The following NPFFR1 variants were observed in gnomAD, a reference collection of about 807,000 sequenced individuals.
NPFFR1 encodes the protein neuropeptide FF receptor 1, also known as G-protein coupled receptor 147.
In NPFFR1, 17 loss-of-function variants were observed where a neutral mutation model predicts 12.7. The ratio of observed to expected loss-of-function variants is 1.34; its 90% CI spans 0.92 to 2.01. NPFFR1 has a LOEUF of 2.01. Among genes scored for constraint, NPFFR1 ranks in the 30% most tolerant of loss-of-function variants. NPFFR1 has a pLI of 0.00. For synonymous variants in NPFFR1, 296 were observed against 264.5 expected, an observed-to-expected ratio of 1.12 and a Z score of -1.16; for missense variants, 604 against 606.5, an observed-to-expected ratio of 1.00 and a Z score of 0.04.
chr10:70,278,655 C>T (rs74139296), intron 1 of NPFFR1, among the ~76,000 whole-genome samples: 4,049 of 152,292 alleles, frequency 0.027, 168 homozygotes, highest in African/African-American at 0.091. Flanking sequence ...ATCCCTCCTA[C>T]GTCTCTCAAT....
Position 70,255,189 on chromosome 10 carries a change from C to G in NPFFR1, c.1061G>C (p.Gly354Ala). 6.5e-7 allele frequency: 1 copy of G among 1,549,876 alleles called. No individual in the cohort carries two copies. ...FRARLCPRPS[G>A]SHKEAYSERP... is the part of the protein sequence containing the mutation. ...CTCGGAGTAGGCCTCCTTGTGGCTCCCCGACGGGCGCGGGCAGAGGCGGGC... is the reference window on the plus strand; with the variant it reads ...CTCGGAGTAGGCCTCCTTGTGGCTCGCCGACGGGCGCGGGCAGAGGCGGGC... Residue 354 changes from glycine to alanine, a missense_variant, in exon 4 of 4, where the codon GGG becomes GCG. Physicochemically the swap from Gly to Ala is moderately conservative, Grantham distance 60. Coordinates refer to ENST00000277942, the MANE Select transcript of NPFFR1 (RefSeq NM_022146.5). The surrounding 1 kb of genome is among the most constrained non-coding windows in gnomAD (Gnocchi z 4.2).
Position 70,254,643 on chromosome 10 carries a change from C to T in NPFFR1, c.*314G>A, listed in dbSNP as rs1840542850. 1 of 310,226 alleles carries T rather than the reference C, an allele frequency of 3.2e-6. No individual in the cohort carries two copies. The highest frequency in any genetic ancestry group is 1.6e-4 in the South Asian group (1 of 6,406). The allele number at this position is 310,226 out of a possible 1,614,324, so 19.2% of individuals were successfully genotyped here. Reference sequence around the variant, plus strand: ...TGAGAAACTTGGGTGAGTCACATCTCTCCAGGCCTCAGTTTTTGCATCTGT... The same window carrying T: ...TGAGAAACTTGGGTGAGTCACATCTTTCCAGGCCTCAGTTTTTGCATCTGT... On this transcript the variant is annotated 3_prime_UTR_variant, in exon 4 of 4. Transcript: ENST00000277942.
intron 2 of NPFFR1, 100 bp downstream of exon 2, chr10:70,265,977 C>T: frequency 2.6e-6 from 3 of 1,167,994 alleles, no homozygotes; most frequent in Non-Finnish European, 3.7e-6. Context: ...GAGGCCAGCC[C>T]AGCAATGATA....
chr10:70,278,889 T>G (rs1194887712), intron 1 of NPFFR1, among the ~76,000 whole-genome samples: 1 of 152,230 alleles, frequency 6.6e-6, no homozygotes, highest in African/African-American at 2.4e-5. Flanking sequence ...ACCAGCCAGT[T>G]GTGTCTTATG....
Position 70,253,671 on chromosome 10 carries a change from A to T in NPFFR1, c.*1286T>A, listed in dbSNP as rs1009340773. 1 of 151,944 alleles carries T rather than the reference A, an allele frequency of 6.6e-6. No individual in the cohort carries two copies. The highest frequency in any genetic ancestry group is 2.4e-5 in the African/African-American group (1 of 41,334). The allele number at this position is 151,944 out of a possible 1,614,324, so 9.4% of individuals were successfully genotyped here. On this transcript the variant is annotated 3_prime_UTR_variant, in exon 4 of 4. Coordinates refer to ENST00000277942, the MANE Select transcript of NPFFR1 (RefSeq NM_022146.5). ...AAGGGAACAGAGCCTCAGAGCCCCG[A>T]CCCCTGGAAACGTTTCTTTTTTGTT...
chr10:70,283,564 G>C (rs1424672947), intron 1 of NPFFR1, 106 bp downstream of exon 1: 1 of 1,116,356 alleles, frequency 9.0e-7, no homozygotes, highest in Non-Finnish European at 1.3e-6. Flanking sequence ...TCTGGCTCTG[G>C]ACAGCCATGG....
chr10:70,258,945 T>C (rs1840604726), intron 3 of NPFFR1, among the ~76,000 whole-genome samples: 1 of 152,192 alleles, frequency 6.6e-6, no homozygotes, highest in Non-Finnish European at 1.5e-5. Flanking sequence ...ACAGCCTGAC[T>C]CAGGCCTTGT....
chr10:70,282,902 T>A (rs1447779195), intron 1 of NPFFR1, among the ~76,000 whole-genome samples: 2 of 152,070 alleles, frequency 1.3e-5, no homozygotes, highest in African/African-American at 4.8e-5. Flanking sequence ...ATCCTGAAGG[T>A]AAGGTCCATA....
intron 1 of NPFFR1, among the ~76,000 whole-genome samples, chr10:70,272,629 C>A (rs574688469): frequency 6.6e-6 from 1 of 152,180 alleles, no homozygotes; most frequent in Non-Finnish European, 1.5e-5. Flanking sequence ...TTGGATTGTT[C>A]GGTTAAACTT....
intron 1 of NPFFR1, among the ~76,000 whole-genome samples, chr10:70,274,240 G>A (rs1223652200): frequency 6.6e-6 from 1 of 152,118 alleles, no homozygotes; most frequent in Non-Finnish European, 1.5e-5. Context: ...ACAAGGTCAG[G>A]AGTTCGAGAC....
Position 70,272,244 on chromosome 10 carries a change from G to GAAAGAAAGAAAGAAAGAAAGAGA in NPFFR1, c.8-5854_8-5853insTCTCTTTCTTTCTTTCTTTCTTT, listed in dbSNP as rs60571634. Among the ~76,000 whole-genome samples, 77 of 64,462 alleles carry GAAAGAAAGAAAGAAAGAAAGAGA rather than the reference G, an allele frequency of 1.2e-3. 1 individual carries two copies. The highest frequency in any genetic ancestry group is 4.8e-3 in the African/African-American group (73 of 15,176). 42.3% of individuals were successfully genotyped at this position (64,462 alleles called of 152,430 possible). On this transcript the variant is annotated intron_variant, in intron 1 of 3. Transcript: ENST00000277942. ...AGAAAGAAAGAAAGAAAGAAAGAAA[G>GAAAGAAAGAAAGAAAGAAAGAGA]AAGAAAGAAGAAAGAAAATAATAGA...
At position 70,252,899 on chromosome 10, in the gene NPFFR1, A is replaced by T. The variant is rs566937562; in HGVS notation, c.*2058T>A. The T allele has an allele frequency of 2.6e-5, 4 of 152,140 alleles. No homozygotes were observed. Among genetic ancestry groups the T allele is most frequent in the Non-Finnish European group, 5.9e-5 (4 of 68,032 alleles). 9.4% of individuals were successfully genotyped at this position (152,140 alleles called of 1,614,324 possible). A position where few individuals can be genotyped will look rare whatever the true frequency, so the allele number is the denominator to read the frequency against. Reference sequence around the variant, plus strand: ...ATGCTAAAGGAGAAACACACCCCAGAGGAGACACCAGGTGGTGTCTTCAGA... The same window carrying T: ...ATGCTAAAGGAGAAACACACCCCAGTGGAGACACCAGGTGGTGTCTTCAGA... On this transcript the variant is annotated 3_prime_UTR_variant, in exon 4 of 4. Coordinates refer to ENST00000277942, the MANE Select transcript of NPFFR1 (RefSeq NM_022146.5).
At chr10:70,267,704 G>A (rs1840708476) in intron 1 of NPFFR1, among the ~76,000 whole-genome samples, 1 of 152,202 alleles carries the variant, frequency 6.6e-6, no homozygotes, top group Non-Finnish European at 1.5e-5. Flanking sequence ...CCTATTCCAG[G>A]GGATGAAGAG....
chr10:70,274,572 G>A (rs1485585094), intron 1 of NPFFR1, among the ~76,000 whole-genome samples: 1 of 152,136 alleles, frequency 6.6e-6, no homozygotes. Flanking sequence ...GTTAGTTTGG[G>A]GTGGCTGGGA....
Position 70,255,008 on chromosome 10 carries a change from T to C in NPFFR1, c.1242A>G (p.Glu414=), listed in dbSNP as rs769810912. The C allele has an allele frequency of 2.8e-6, 4 of 1,440,562 alleles. No homozygotes were observed. In the Middle Eastern group the frequency reaches 5.7e-4, roughly 205 times the overall value. 89.2% of individuals were successfully genotyped at this position (1,440,562 alleles called of 1,614,324 possible). A position where few individuals can be genotyped will look rare whatever the true frequency, so the allele number is the denominator to read the frequency against. ...GRVAHHGLPR[E]GPGCSHLPLT... ...GGGGCAGGTGGGAGCAGCCAGGCCC[T>C]TCCCTGGGCAAGCCGTGGTGAGCCA... is the stretch of plus-strand genomic sequence containing the variant. The change falls in exon 4 of 4, where the codon GAA becomes GAG. Residue 414 remains glutamate, a synonymous_variant. Transcript: ENST00000277942. This position sits in a 1 kb window ranked among gnomAD's most constrained non-coding sequence, Gnocchi z 4.2.
At chr10:70,263,175 G>GCAA (rs749955504) in intron 2 of NPFFR1, among the ~76,000 whole-genome samples, 24 of 151,840 alleles carry the variant, frequency 1.6e-4, no homozygotes, top group Non-Finnish European at 2.2e-4. Flanking sequence ...TTTTTAAAAA[G>GCAA]CAACAACAAC....
At chr10:70,274,796 C>A (rs1180338187) in intron 1 of NPFFR1, among the ~76,000 whole-genome samples, 1 of 152,224 alleles carries the variant, frequency 6.6e-6, no homozygotes, top group Admixed American at 6.5e-5. Flanking sequence ...TGCTTATTGA[C>A]TGCATTAGCT....
chr10:70,277,748 G>A (rs2136809975), intron 1 of NPFFR1, among the ~76,000 whole-genome samples: 1 of 152,304 alleles, frequency 6.6e-6, no homozygotes, highest in East Asian at 1.9e-4. Context: ...GCTGGGGTTG[G>A]GCTGGGGTGG....
Position 70,255,296 on chromosome 10 carries a change from G to T in NPFFR1, c.954C>A (p.Ala318=). ...TGGGGTTGGCGCTGCTGTTGAAGAA[G>T]GCCAGCCAGTGCGCGAAGGGGAAGG... ...VYAFPFAHWL[A]FFNSSANPII... Residue 318 remains alanine (A), a synonymous_variant, in exon 4 of 4, where the codon GCC becomes GCA. Transcript: ENST00000277942. The surrounding 1 kb of genome is among the most constrained non-coding windows in gnomAD (Gnocchi z 4.2). 6.3e-7 allele frequency: 1 copy of T among 1,582,874 alleles called. No individual in the cohort carries two copies. Among genetic ancestry groups the T allele is most frequent in the Non-Finnish European group, 8.6e-7 (1 of 1,168,882 alleles).
Sources: allele counts gnomAD v4.1 joint callset (sites outside exome capture counted in the v4.1 genomes callset), GRCh38; gene constraint gnomAD v4.1.1; non-coding constraint Gnocchi (gnomAD v3.1); transcripts MANE v1.5; gene names NCBI Gene and HGNC (gene_info 2026-07-23, HGNC 2026-07-21).